Variants in GYPC observed in about 807,000 individuals in gnomAD.
The protein encoded by GYPC is glycophorin C (Gerbich blood group).
In GYPC, 14 loss-of-function variants were observed where a neutral mutation model predicts 12.6. The ratio of observed to expected loss-of-function variants is 1.11; its 90% CI spans 0.74 to 1.74. GYPC has a LOEUF of 1.74. Among genes scored for constraint, GYPC ranks in the 40% most tolerant of loss-of-function variants. The pLI is 0.00. For missense variants in GYPC, 225 were observed against 172.1 expected (o/e 1.31, Z -1.72); for synonymous variants, 78 against 62.1 (o/e 1.26, Z -1.20).
chr2:126,683,550 G>T (rs191380574), intron 1 of GYPC, among the ~76,000 whole-genome samples: 1 of 152,150 alleles, frequency 6.6e-6, no homozygotes, highest in Admixed American at 6.5e-5. Context: ...TCACAAGGGA[G>T]AAAAAGCACT....
At chr2:126,671,366 G>A (rs943136574) in intron 1 of GYPC, among the ~76,000 whole-genome samples, 28 of 152,210 alleles carry the variant, frequency 1.8e-4, no homozygotes, top group Non-Finnish European at 2.5e-4. Flanking sequence ...CCCTGAGCCC[G>A]ACAGCCAGGG....
At position 126,696,416 on chromosome 2, in the gene GYPC, G is replaced by A. The variant is rs893672730; in HGVS notation, c.*274G>A. On this transcript the variant is annotated 3_prime_UTR_variant, in exon 4 of 4. Transcript: ENST00000259254. Reference sequence around the variant, plus strand: ...AGGTGGGAGAAAATCTGGGCACATGGGGCCCCCTGGGCAGTGCAGGACAAC... The same window carrying A: ...AGGTGGGAGAAAATCTGGGCACATGAGGCCCCCTGGGCAGTGCAGGACAAC... The A allele has an allele frequency of 2.2e-6, 1 of 458,674 alleles. No homozygotes were observed. The highest frequency in any genetic ancestry group is 4.0e-6 in the Non-Finnish European group (1 of 247,756). 28.4% of individuals were successfully genotyped at this position (458,674 alleles called of 1,614,324 possible). A position where few individuals can be genotyped will look rare whatever the true frequency, so the allele number is the denominator to read the frequency against.
intron 2 of GYPC, among the ~76,000 whole-genome samples, chr2:126,692,939 C>T (rs1279547540): frequency 6.6e-6 from 1 of 152,174 alleles, no homozygotes; most frequent in African/African-American, 2.4e-5. Flanking sequence ...CCTTGGTGTT[C>T]TTCCTGTGAG....
Position 126,656,260 on chromosome 2 carries a change from A to G in GYPC, c.-4A>G, listed in dbSNP as rs767385387. On this transcript the variant is annotated 5_prime_UTR_variant, in exon 1 of 4. Coordinates refer to ENST00000259254, the MANE Select transcript of GYPC (RefSeq NM_002101.5). Reference sequence around the variant, plus strand: ...GCGGTCTCTGCCCGGGCTGACGCCCAGGAATGTGGTCGACGAGAAGCCCCA... The same window carrying G: ...GCGGTCTCTGCCCGGGCTGACGCCCGGGAATGTGGTCGACGAGAAGCCCCA... 6.2e-6 allele frequency: 10 copies of G among 1,601,244 alleles called. No individual in the cohort carries two copies. The highest frequency in any genetic ancestry group is 2.3e-5 in the East Asian group (1 of 44,186).
intron 1 of GYPC, among the ~76,000 whole-genome samples, chr2:126,679,088 A>C (rs987406375): frequency 1.3e-5 from 2 of 152,202 alleles, no homozygotes; most frequent in African/African-American, 4.8e-5. Context: ...TGAAAATGCA[A>C]TTATATGATT....
intron 1 of GYPC, among the ~76,000 whole-genome samples, chr2:126,671,918 G>A (rs554339600): frequency 1.3e-5 from 2 of 152,332 alleles, no homozygotes; most frequent in South Asian, 4.1e-4. Context: ...TTCACTAAGG[G>A]TGGCAATGTT....
At chr2:126,667,405 CTT>C (rs1227420253) in intron 1 of GYPC, among the ~76,000 whole-genome samples, 26 of 138,152 alleles carry the variant, frequency 1.9e-4, no homozygotes, top group South Asian at 2.3e-4. Flanking sequence ...TTTTTTTTTT[CTT>C]TTTTTTTTTT....
At chr2:126,656,548 T>C (rs547647225) in intron 1 of GYPC, among the ~76,000 whole-genome samples, 28 of 152,342 alleles carry the variant, frequency 1.8e-4, no homozygotes, top group African/African-American at 5.8e-4. Flanking sequence ...CTCCACGCGC[T>C]CCGAGCTGGA....
chr2:126,685,782 G>A (rs1397769850), intron 1 of GYPC: 2 of 984,906 alleles, frequency 2.0e-6, no homozygotes, highest in Non-Finnish European at 1.2e-6. Flanking sequence ...AGTCAACGTT[G>A]CTGTTGCTGC....
chr2:126,668,175 C>A (rs1682739959), intron 1 of GYPC, among the ~76,000 whole-genome samples: 1 of 152,230 alleles, frequency 6.6e-6, no homozygotes, highest in East Asian at 1.9e-4. Context: ...AACTACAAAT[C>A]TCTGTTGCAG....
At position 126,680,623 on chromosome 2, in the gene GYPC, G is replaced by A. The variant is rs112931329; in HGVS notation, c.50-9632G>A. Among the ~76,000 whole-genome samples, 35 of 152,300 alleles carry A rather than the reference G, an allele frequency of 2.3e-4. 1 individual carries two copies. Among genetic ancestry groups the A allele is most frequent in the African/African-American group, 8.2e-4 (34 of 41,584 alleles). ...TCAGAACTTCCCTTCATTTCCACCT[G>A]CAGAAGCAAGGGACTGGGGGTGAAC... On this transcript the variant is annotated intron_variant, in intron 1 of 3. Coordinates refer to ENST00000259254, the MANE Select transcript of GYPC (RefSeq NM_002101.5).
chr2:126,677,713 G>A (rs1016786948), intron 1 of GYPC, among the ~76,000 whole-genome samples: 2 of 152,130 alleles, frequency 1.3e-5, no homozygotes, highest in Non-Finnish European at 2.9e-5. Context: ...CTAGGGATGA[G>A]CACACGAGGG....
At chr2:126,686,745 C>T in intron 1 of GYPC, 3 of 951,152 alleles carry the variant, frequency 3.2e-6, no homozygotes, top group Non-Finnish European at 3.8e-6. Context: ...TAGGTCCTCT[C>T]ATGTCTGTCC....
intron 2 of GYPC, among the ~76,000 whole-genome samples, chr2:126,693,173 C>A (rs541766741): frequency 6.6e-6 from 1 of 152,340 alleles, no homozygotes; most frequent in South Asian, 2.1e-4. Flanking sequence ...ACATTAATAC[C>A]CCCTTGAGGG....
At chr2:126,683,537 G>C (rs1028840172) in intron 1 of GYPC, among the ~76,000 whole-genome samples, 3 of 152,194 alleles carry the variant, frequency 2.0e-5, no homozygotes, top group African/African-American at 7.2e-5. Flanking sequence ...TCATACTCTC[G>C]CCTCACAAGG....
chr2:126,691,566 A>G (rs1339938589), intron 2 of GYPC, among the ~76,000 whole-genome samples: 1 of 152,064 alleles, frequency 6.6e-6, no homozygotes, highest in Non-Finnish European at 1.5e-5. Flanking sequence ...CACAAACCAC[A>G]CAACCTGCCC....
At position 126,656,163 on chromosome 2, in the gene GYPC, C is replaced by T; in HGVS notation, c.-101C>T. On this transcript the variant is annotated 5_prime_UTR_variant, in exon 1 of 4. Transcript: ENST00000259254. ...GTGTGACCCAGGTGCCGCTTCCTCT[C>T]GCCGCCGAGGGTCAGGAGCCCGGGA... 1 of 1,499,764 alleles carries T rather than the reference C, an allele frequency of 6.7e-7. No individual in the cohort carries two copies. Among genetic ancestry groups the T allele is most frequent in the East Asian group, 2.6e-5 (1 of 38,400 alleles). 92.9% of individuals were successfully genotyped at this position (1,499,764 alleles called of 1,614,324 possible). A position where few individuals can be genotyped will look rare whatever the true frequency, so the allele number is the denominator to read the frequency against.
intron 1 of GYPC, among the ~76,000 whole-genome samples, chr2:126,675,341 G>A (rs576484184): frequency 2.0e-5 from 3 of 152,132 alleles, no homozygotes; most frequent in Admixed American, 6.5e-5. Context: ...ATTCAATAAC[G>A]GGGCATGTGG....
intron 1 of GYPC, chr2:126,686,448 A>G (rs1423495096): frequency 1.0e-6 from 1 of 985,396 alleles, no homozygotes; most frequent in African/African-American, 1.7e-5. Context: ...ACTGTAGCCA[A>G]TGGCAAATCC....
Sources: gnomAD v4.1 joint callset for allele counts (sites outside exome capture counted in the v4.1 genomes callset) on GRCh38, gnomAD v4.1.1 for gene constraint, MANE v1.5 for transcripts, NCBI Gene and HGNC (gene_info 2026-07-23, HGNC 2026-07-21) for gene names.